Variants in SDK1 observed in about 807,000 individuals in gnomAD.
SDK1 encodes protein sidekick-1.
A neutral mutation model predicts 245.5 loss-of-function variants in SDK1; 157 were observed. The ratio of observed to expected loss-of-function variants is 0.64; its 90% CI spans 0.56 to 0.73. The LOEUF is 0.73. Ranked by LOEUF, SDK1 falls within the 30% of genes least tolerant of loss-of-function variation. The pLI is 0.00. For missense variants in SDK1, 3,583 were observed against 3,002.3 expected, an observed-to-expected ratio of 1.19 and a Z score of -4.52; for synonymous variants, 1,647 against 1,278.5, an observed-to-expected ratio of 1.29 and a Z score of -6.15.
At chr7:3,807,995 C>T (rs1316705882) in intron 4 of SDK1, among the ~76,000 whole-genome samples, 1 of 152,146 alleles carries the variant, frequency 6.6e-6, no homozygotes, top group African/African-American at 2.4e-5. Context: ...CGCATTGGTG[C>T]TGTCAGTCAA....
intron 1 of SDK1, among the ~76,000 whole-genome samples, chr7:3,329,413 C>G (rs1281543870): frequency 6.6e-6 from 1 of 152,056 alleles, no homozygotes; most frequent in African/African-American, 2.4e-5. Context: ...TGAAAGTGTA[C>G]AATTCAATAG....
chr7:3,542,883 T>C (rs1779097582), intron 1 of SDK1, among the ~76,000 whole-genome samples: 1 of 152,324 alleles, frequency 6.6e-6, no homozygotes, highest in East Asian at 1.9e-4. Context: ...TTACCTTCGC[T>C]TTAGAAGCTT....
intron 1 of SDK1, among the ~76,000 whole-genome samples, chr7:3,302,788 A>C (rs1779312893): frequency 6.6e-6 from 1 of 152,200 alleles, no homozygotes; most frequent in African/African-American, 2.4e-5. Flanking sequence ...TGCTGATGGT[A>C]GTTTTAGGAA....
At chr7:3,490,566 A>T (rs944500615) in intron 1 of SDK1, among the ~76,000 whole-genome samples, 2 of 152,204 alleles carry the variant, frequency 1.3e-5, no homozygotes, top group Non-Finnish European at 2.9e-5. Flanking sequence ...ACCATATAGA[A>T]TTCTGTGACT....
At chr7:3,834,777 G>C (rs1779993448) in intron 5 of SDK1, among the ~76,000 whole-genome samples, 1 of 152,202 alleles carries the variant, frequency 6.6e-6, no homozygotes, top group Non-Finnish European at 1.5e-5. Context: ...CACGGGAAGA[G>C]TGCATGACGA....
At chr7:3,844,481 A>G (rs1236802652) in intron 5 of SDK1, among the ~76,000 whole-genome samples, 1 of 152,218 alleles carries the variant, frequency 6.6e-6, no homozygotes, top group Non-Finnish European at 1.5e-5. Flanking sequence ...TGGATGTGCT[A>G]GCCTGGCTCC....
intron 12 of SDK1, 131 bp downstream of exon 12, chr7:3,971,699 C>G (rs6965800): frequency 1.4e-6 from 1 of 701,684 alleles, no homozygotes; most frequent in South Asian, 1.6e-5. Flanking sequence ...ACGGTATCTT[C>G]TGGTTGTGGG....
chr7:3,814,594 G>A (rs893493966), intron 4 of SDK1, among the ~76,000 whole-genome samples: 49 of 151,854 alleles, frequency 3.2e-4, no homozygotes, highest in South Asian at 8.3e-4. Context: ...TTGGTGATGC[G>A]GGCTCTTTTT....
At chr7:3,477,189 CTTTTTTT>C (rs35328849) in intron 1 of SDK1, among the ~76,000 whole-genome samples, 32 of 78,642 alleles carry the variant, frequency 4.1e-4, no homozygotes, top group Non-Finnish European at 5.9e-4. Flanking sequence ...TGGTTTTCTC[CTTTTTTT>C]TTTTTTTTTT....
Position 3,939,424 on chromosome 7 carries a change from G to A in SDK1, c.848-11499G>A, listed in dbSNP as rs553708615. On this transcript the variant is annotated intron_variant, in intron 5 of 44. Transcript: ENST00000404826. ...GCCAGTACAGATTAAGAAGGTGAAC[G>A]TGTGGAAGGTAAAGGGTGGGAGGAA... is the stretch of plus-strand genomic sequence containing the variant. Among the ~76,000 whole-genome samples, 5 of 152,362 alleles carry A rather than the reference G, an allele frequency of 3.3e-5. No homozygotes were observed. In the South Asian group the frequency reaches 8.3e-4, roughly 25 times the overall value.
At chr7:3,656,219 A>G (rs1320312908) in intron 4 of SDK1, among the ~76,000 whole-genome samples, 1 of 152,072 alleles carries the variant, frequency 6.6e-6, no homozygotes, top group African/African-American at 2.4e-5. Context: ...CTTTACTTCC[A>G]TCCCATTTGT....
At chr7:3,749,880 A>G (rs1779727974) in intron 4 of SDK1, among the ~76,000 whole-genome samples, 1 of 152,272 alleles carries the variant, frequency 6.6e-6, no homozygotes, top group Admixed American at 6.5e-5. Flanking sequence ...ACTGTAAAGA[A>G]GAAACAAAAA....
Position 4,127,369 on chromosome 7 carries a change from G to C in SDK1, c.3824-12G>C, listed in dbSNP as rs907201420. The C allele has an allele frequency of 6.2e-7, 1 of 1,603,082 alleles. No homozygotes were observed. Among genetic ancestry groups the C allele is most frequent in the African/African-American group, 1.3e-5 (1 of 74,692 alleles). ...ATTTTGGATGCTAATCTACTTCATT[G>C]GTTCTTTGCAGTTCCTTCAGCCGCC... On this transcript the variant is annotated splice_polypyrimidine_tract_variant and intron_variant, in intron 25 of 44. Transcript: ENST00000404826.
In SDK1 at chr7:3,697,672, G is replaced by C. The variant is rs553629587; in HGVS notation, c.713+55567G>C. On this transcript the variant is annotated intron_variant, in intron 4 of 44. Transcript: ENST00000404826. ...AAAAGTACTTGGTTTTACTTCTAAA[G>C]CTGATGTGGTTTATAACTTACTCAT... is the stretch of plus-strand genomic sequence containing the variant. Among the ~76,000 whole-genome samples the C allele has an allele frequency of 2.7e-3, 416 of 152,248 alleles. 3 individuals are homozygous for C. The highest frequency in any genetic ancestry group is 0.017 in the South Asian group (83 of 4,826).
At chr7:3,783,187 G>T (rs147211689) in intron 4 of SDK1, among the ~76,000 whole-genome samples, 1 of 152,194 alleles carries the variant, frequency 6.6e-6, no homozygotes, top group East Asian at 1.9e-4. Context: ...AAAAATTCTC[G>T]GCAAATTAGT....
At chr7:3,316,463 C>T (rs1323330932) in intron 1 of SDK1, among the ~76,000 whole-genome samples, 1 of 152,278 alleles carries the variant, frequency 6.6e-6, no homozygotes, top group East Asian at 1.9e-4. Context: ...GTGATGTTCG[C>T]ACAATGACAG....
At chr7:3,325,750 TTTTACAAATTA>T (rs1170598429) in intron 1 of SDK1, among the ~76,000 whole-genome samples, 2 of 152,156 alleles carry the variant, frequency 1.3e-5, no homozygotes, top group Non-Finnish European at 2.9e-5. Flanking sequence ...GTTACAAATT[TTTTACAAATTA>T]CATAGATAAT....
chr7:4,237,891 T>G (rs1333340997), intron 42 of SDK1, 107 bp downstream of exon 42: 2 of 1,358,040 alleles, frequency 1.5e-6, no homozygotes, highest in African/African-American at 2.9e-5. Flanking sequence ...TTCCATTTCA[T>G]TTGCTTGTAG....
chr7:4,024,832 G>A (rs1031508829), intron 17 of SDK1, among the ~76,000 whole-genome samples: 2 of 152,112 alleles, frequency 1.3e-5, no homozygotes, highest in African/African-American at 4.8e-5. Context: ...TTTTGTTTTT[G>A]TTTTTGTTTT....
Sources: gnomAD v4.1 joint callset for allele counts (sites outside exome capture counted in the v4.1 genomes callset) on GRCh38, gnomAD v4.1.1 for gene constraint, MANE v1.5 for transcripts, NCBI Gene and HGNC (gene_info 2026-07-23, HGNC 2026-07-21) for gene names.